NRXN3: variants seen among roughly 807,000 people sequenced by gnomAD.
NRXN3 encodes neurexin 3, also known as neurexin III.
A neutral mutation model predicts 137.6 loss-of-function variants in NRXN3; 32 were observed. That is an observed-to-expected ratio of 0.23 (90% CI 0.18 to 0.31). The LOEUF is 0.31. Among genes scored for constraint, NRXN3 ranks in the 10% least tolerant of loss-of-function variants. The probability of loss-of-function intolerance (pLI) is 1.00; values close to 1 mark genes in which losing one functional copy is unlikely to be tolerated. For synonymous variants in NRXN3, 798 were observed against 784.5 expected (o/e 1.02, Z -0.29); for missense variants, 1,574 against 2,062.5 (o/e 0.76, Z 4.59).
intron 11 of NRXN3, among the ~76,000 whole-genome samples, chr14:78,958,493 C>T (rs1306590119): frequency 6.6e-6 from 1 of 151,822 alleles, no homozygotes; most frequent in Non-Finnish European, 1.5e-5. Context: ...GTAGCTGGGA[C>T]TACAGGTGCC....
intron 10 of NRXN3, among the ~76,000 whole-genome samples, chr14:78,926,885 TTTA>T (rs1462873031): frequency 9.2e-5 from 2 of 21,732 alleles, no homozygotes; most frequent in Non-Finnish European, 1.3e-4. Flanking sequence ...ATATAATATA[TTTA>T]TATATATATA....
At chr14:78,526,711 A>G in intron 4 of NRXN3, 2 of 514,396 alleles carry the variant, frequency 3.9e-6, no homozygotes, top group South Asian at 1.4e-5. Flanking sequence ...GTGCATTATT[A>G]TCTTTGTACA....
intron 20 of NRXN3, among the ~76,000 whole-genome samples, chr14:79,827,246 G>T (rs1397492061): frequency 6.6e-6 from 1 of 152,174 alleles, no homozygotes; most frequent in Non-Finnish European, 1.5e-5. Context: ...TAACAAGGCA[G>T]GGGTGGGTGC....
intron 4 of NRXN3, among the ~76,000 whole-genome samples, chr14:78,366,753 GA>G (rs760366251): frequency 5.9e-5 from 9 of 152,148 alleles, no homozygotes; most frequent in Admixed American, 1.3e-4. Context: ...GAACAGCATG[GA>G]AAAGACCCAC....
At chr14:79,773,448 A>G (rs1220168957) in intron 19 of NRXN3, among the ~76,000 whole-genome samples, 4 of 152,164 alleles carry the variant, frequency 2.6e-5, no homozygotes, top group Admixed American at 2.6e-4. Flanking sequence ...CTATGCAGCC[A>G]TAAAAAAGGA....
chr14:79,701,275 A>G lies in NRXN3; in HGVS notation c.4014+3338A>G, dbSNP rs553020407. 2.6e-5 allele frequency among the ~76,000 whole-genome samples: 4 copies of G among 152,236 alleles called. No homozygotes were observed. The South Asian group carries it at 6.2e-4, about 24-fold the overall frequency. On this transcript the variant is annotated intron_variant, in intron 19 of 20. Transcript: ENST00000335750. ...ATGTAAGTTCTAGTTAACTATTTAT[A>G]TGAAACAAATTTTCCCATAACTTGG...
chr14:78,377,950 A>G (rs2088206013), intron 4 of NRXN3, among the ~76,000 whole-genome samples: 1 of 152,238 alleles, frequency 6.6e-6, no homozygotes, highest in African/African-American at 2.4e-5. Context: ...TAGAATACCC[A>G]ACAGCAGCAG....
intron 15 of NRXN3, among the ~76,000 whole-genome samples, chr14:79,011,081 A>T (rs2099570048): frequency 1.3e-5 from 2 of 151,224 alleles, no homozygotes; most frequent in Non-Finnish European, 2.9e-5. Flanking sequence ...TGCGCAACCC[A>T]CACGTCTCTA....
At chr14:79,153,580 T>C (rs886632914) in intron 15 of NRXN3, among the ~76,000 whole-genome samples, 3 of 151,968 alleles carry the variant, frequency 2.0e-5, no homozygotes, top group African/African-American at 7.2e-5. Context: ...TTTACTGAAA[T>C]GTTATCCTGA....
chr14:78,634,573 T>C (rs944208049), intron 4 of NRXN3, among the ~76,000 whole-genome samples: 1 of 152,236 alleles, frequency 6.6e-6, no homozygotes, highest in Non-Finnish European at 1.5e-5. Flanking sequence ...ATGTAGAACC[T>C]ATAGTAGAGG....
chr14:78,873,860 A>G (rs1213249413), intron 10 of NRXN3, among the ~76,000 whole-genome samples: 1 of 152,068 alleles, frequency 6.6e-6, no homozygotes, highest in African/African-American at 2.4e-5. Flanking sequence ...GGTCCAAGGG[A>G]AAGGATTTTA....
intron 10 of NRXN3, among the ~76,000 whole-genome samples, chr14:78,939,003 G>A (rs1164349944): frequency 1.3e-5 from 2 of 151,604 alleles, no homozygotes; most frequent in African/African-American, 2.4e-5. Context: ...CCGCCACCTC[G>A]CCCGGCTAAT....
intron 19 of NRXN3, among the ~76,000 whole-genome samples, chr14:79,729,264 A>G (rs962756838): frequency 2.6e-5 from 4 of 152,178 alleles, no homozygotes; most frequent in African/African-American, 7.2e-5. Context: ...TTAGTGATCT[A>G]GGGCTAATGG....
At chr14:79,688,428 G>A (rs1237062988) in intron 17 of NRXN3, among the ~76,000 whole-genome samples, 1 of 152,074 alleles carries the variant, frequency 6.6e-6, no homozygotes, top group East Asian at 1.9e-4. Flanking sequence ...CCCATGTTTG[G>A]ACCAATAAAG....
At chr14:79,765,528 C>A (rs1435514490) in intron 19 of NRXN3, among the ~76,000 whole-genome samples, 1 of 152,176 alleles carries the variant, frequency 6.6e-6, no homozygotes, top group Non-Finnish European at 1.5e-5. Context: ...ACTTCTGTGA[C>A]ACTATTAGGG....
rs141250232 is a variant in NRXN3 at position 78,629,979 on chromosome 14, T to A, written c.758-15141T>A. Among the ~76,000 whole-genome samples the A allele has an allele frequency of 1.7e-3, 262 of 152,380 alleles. 2 individuals are homozygous for A. The highest frequency in any genetic ancestry group is 5.7e-3 in the African/African-American group (237 of 41,588). On this transcript the variant is annotated intron_variant, in intron 4 of 20. Coordinates refer to ENST00000335750, the MANE Select transcript of NRXN3 (RefSeq NM_001330195.2). ...ATCACACTAACTCGATGCCCTTTAT[T>A]TGCCAATGATTCTAGCTAATGGAGA...
At chr14:79,165,912 C>G (rs1019137226) in intron 15 of NRXN3, among the ~76,000 whole-genome samples, 1 of 151,934 alleles carries the variant, frequency 6.6e-6, no homozygotes, top group Non-Finnish European at 1.5e-5. Flanking sequence ...CACAACACCA[C>G]GAGCTTTTGA....
At chr14:79,236,757 T>C (rs918487357) in intron 15 of NRXN3, among the ~76,000 whole-genome samples, 5 of 151,488 alleles carry the variant, frequency 3.3e-5, no homozygotes, top group Non-Finnish European at 2.9e-5. Flanking sequence ...AAAACAAAAA[T>C]TTTTATAATT....
intron 6 of NRXN3, among the ~76,000 whole-genome samples, chr14:78,681,006 T>G (rs2152742271): frequency 6.6e-6 from 1 of 152,288 alleles, no homozygotes; most frequent in East Asian, 1.9e-4. Context: ...AAGCAACAGA[T>G]GTAGTATTCA....
Sources: gnomAD v4.1 joint callset for allele counts (sites outside exome capture counted in the v4.1 genomes callset) on GRCh38, gnomAD v4.1.1 for gene constraint, MANE v1.5 for transcripts, NCBI Gene and HGNC (gene_info 2026-07-23, HGNC 2026-07-21) for gene names.